LINGO2: variants seen among roughly 807,000 people sequenced by gnomAD.
LINGO2 encodes the protein leucine-rich repeat and immunoglobulin-like domain-containing nogo receptor-interacting protein 2.
In LINGO2, 14 loss-of-function variants were observed where a neutral mutation model predicts 30.6. The observed-to-expected ratio is 0.46, with a 90% CI of 0.30 to 0.72. The LOEUF is 0.72. Ranked by LOEUF, LINGO2 falls within the 30% of genes least tolerant of loss-of-function variation. LINGO2 has a pLI of 0.07. For missense variants in LINGO2, 729 were observed against 751.7 expected (o/e 0.97, Z 0.35); for synonymous variants, 317 against 288.5 (o/e 1.10, Z -1.00).
chr9:28,857,733 TG>T, the LINGO2 span, among the ~76,000 whole-genome samples: 1 of 152,062 alleles, frequency 6.6e-6, no homozygotes, highest in Non-Finnish European at 1.5e-5. Flanking sequence ...GTGTAAAATA[TG>T]TATAAAATTC....
At chr9:29,106,773 A>G in the LINGO2 span, among the ~76,000 whole-genome samples, 1 of 152,302 alleles carries the variant, frequency 6.6e-6, no homozygotes, top group East Asian at 1.9e-4. Context: ...TAAACATGCA[A>G]GGAAGTTCAA....
intron 2 of LINGO2, among the ~76,000 whole-genome samples, chr9:28,459,485 C>T (rs1175435001): frequency 7.0e-6 from 1 of 141,976 alleles, no homozygotes; most frequent in East Asian, 2.0e-4. Flanking sequence ...AAACACTGAA[C>T]ATTTTCTATG....
chr9:29,211,882 A>G, the LINGO2 span, among the ~76,000 whole-genome samples: 7 of 152,120 alleles, frequency 4.6e-5, no homozygotes, highest in Non-Finnish European at 7.4e-5. Flanking sequence ...AAAGCAGCCA[A>G]ATATTCAAGG....
In LINGO2 at chr9:28,158,258, T is replaced by C. The variant is rs118171907; in HGVS notation, c.-87+136950A>G. Among the ~76,000 whole-genome samples, 268 of 152,210 alleles carry C rather than the reference T, an allele frequency of 1.8e-3. 4 individuals are homozygous for C. The South Asian group carries it at 0.036, about 21-fold the overall frequency. ...AAACCATCAGATCTCATGAGACTTA[T>C]TCGCTGTCACGAGAACAGCACGGGA... On this transcript the variant is annotated intron_variant, in intron 4 of 5. Transcript: ENST00000379992.
chr9:28,807,252 T>C, the LINGO2 span, among the ~76,000 whole-genome samples: 1 of 152,064 alleles, frequency 6.6e-6, no homozygotes, highest in Non-Finnish European at 1.5e-5. Context: ...CTCGATCTCC[T>C]GACCTTGAGA....
chr9:28,798,196 C>T, the LINGO2 span, among the ~76,000 whole-genome samples: 22 of 151,650 alleles, frequency 1.5e-4, no homozygotes, highest in Non-Finnish European at 1.9e-4. Context: ...GTTAAAGGGA[C>T]GATTTGGGCC....
the LINGO2 span, among the ~76,000 whole-genome samples, chr9:28,700,897 A>ATGCT: frequency 2.0e-4 from 31 of 152,020 alleles, no homozygotes; most frequent in African/African-American, 7.2e-4. Context: ...ATTCACTAGT[A>ATGCT]TCATATGATG....
chr9:29,173,931 C>T, the LINGO2 span, among the ~76,000 whole-genome samples: 5 of 151,936 alleles, frequency 3.3e-5, no homozygotes, highest in African/African-American at 1.2e-4. Context: ...CATGTTTTGC[C>T]ATTCTTTCAA....
the LINGO2 span, among the ~76,000 whole-genome samples, chr9:29,074,351 A>C: frequency 6.6e-6 from 1 of 152,298 alleles, no homozygotes; most frequent in Non-Finnish European, 1.5e-5. Flanking sequence ...GTATCATTGA[A>C]TAAAAATTAT....
chr9:28,616,743 T>C (rs1826147091), intron 1 of LINGO2, among the ~76,000 whole-genome samples: 2 of 152,220 alleles, frequency 1.3e-5, no homozygotes, highest in Admixed American at 1.3e-4. Context: ...CAGTCGGTTA[T>C]CTAGGCCAGA....
chr9:28,273,179 T>C (rs961323996), intron 4 of LINGO2, among the ~76,000 whole-genome samples: 1 of 152,214 alleles, frequency 6.6e-6, no homozygotes, highest in Non-Finnish European at 1.5e-5. Context: ...TTGCGTATTG[T>C]ATAAGCTGAC....
the LINGO2 span, among the ~76,000 whole-genome samples, chr9:28,736,119 G>A: frequency 6.6e-6 from 1 of 152,178 alleles, no homozygotes; most frequent in Non-Finnish European, 1.5e-5. Flanking sequence ...CAATTAAACA[G>A]AACTCAACAG....
rs192349613 is a variant in LINGO2 at position 28,425,614 on chromosome 9, T to C, written c.-279+50326A>G. Among the ~76,000 whole-genome samples the C allele has an allele frequency of 2.0e-3, 297 of 152,114 alleles. 3 individuals carry two copies. The highest frequency in any genetic ancestry group is 6.8e-3 in the African/African-American group (283 of 41,514). ...TTGATAAGGGCAATATCCAACACCA[T>C]AGCGTTTGTTAGGGGTTACGGGGAA... On this transcript the variant is annotated intron_variant, in intron 2 of 5. Coordinates refer to ENST00000379992, the Ensembl canonical transcript of LINGO2.
the LINGO2 span, among the ~76,000 whole-genome samples, chr9:29,002,006 G>A: frequency 6.6e-5 from 10 of 151,992 alleles, no homozygotes; most frequent in East Asian, 1.9e-4. Flanking sequence ...TCTATGGTTT[G>A]TCTTGGTATA....
chr9:28,930,997 T>C, the LINGO2 span, among the ~76,000 whole-genome samples: 1 of 152,210 alleles, frequency 6.6e-6, no homozygotes, highest in Admixed American at 6.5e-5. This position sits in a 1 kb window ranked among gnomAD's most constrained non-coding sequence, Gnocchi z 4.2. Context: ...AGCCATTCCT[T>C]CTTCTGGCAG....
In LINGO2 at chr9:28,610,175, G is replaced by T. The variant is rs556712680; in HGVS notation, c.-365+60025C>A. 2.0e-5 allele frequency among the ~76,000 whole-genome samples: 3 copies of T among 152,122 alleles called. No homozygotes were observed. The East Asian group carries it at 5.8e-4, about 29-fold the overall frequency. ...AACCTGTTTTACTTTTGAAATAAAAGACTATTTTTGAAGTATTTAAAATCA... is the reference window on the plus strand; with the variant it reads ...AACCTGTTTTACTTTTGAAATAAAATACTATTTTTGAAGTATTTAAAATCA... On this transcript the variant is annotated intron_variant, in intron 1 of 5. Transcript: ENST00000379992.
At chr9:28,979,661 T>C in the LINGO2 span, among the ~76,000 whole-genome samples, 2 of 152,010 alleles carry the variant, frequency 1.3e-5, no homozygotes, top group Non-Finnish European at 1.5e-5. Flanking sequence ...GACTATGCCA[T>C]ACTCATATGA....
the LINGO2 span, among the ~76,000 whole-genome samples, chr9:28,919,684 C>A: frequency 1.3e-5 from 2 of 152,020 alleles, no homozygotes; most frequent in Non-Finnish European, 2.9e-5. Context: ...TATGAGCATA[C>A]AAGGACAAAG....
At chr9:28,879,668 AC>A in the LINGO2 span, among the ~76,000 whole-genome samples, 1 of 152,078 alleles carries the variant, frequency 6.6e-6, no homozygotes, top group Non-Finnish European at 1.5e-5. Flanking sequence ...CCTAACCTAC[AC>A]CCCTCTTTGT....
Sources: allele counts gnomAD v4.1 joint callset (sites outside exome capture counted in the v4.1 genomes callset), GRCh38; gene constraint gnomAD v4.1.1; non-coding constraint Gnocchi (gnomAD v3.1); transcripts MANE v1.5; gene names NCBI Gene and HGNC (gene_info 2026-07-23, HGNC 2026-07-21).